Variants in RFX3 observed in about 807,000 individuals in gnomAD.
RFX3 encodes regulatory factor X3.
A neutral mutation model predicts 98.6 loss-of-function variants in RFX3; 14 were observed. The ratio of observed to expected loss-of-function variants is 0.14; its 90% CI spans 0.09 to 0.22. The LOEUF (loss-of-function observed/expected upper bound fraction) is 0.22, where lower values mean the gene tolerates loss of function less well. RFX3 is among the 10% of genes least tolerant of loss of function. The probability of loss-of-function intolerance (pLI) is 1.00; values close to 1 mark genes in which losing one functional copy is unlikely to be tolerated. For missense variants in RFX3, 639 were observed against 926.9 expected (o/e 0.69, Z 4.03); for synonymous variants, 383 against 328.4 (o/e 1.17, Z -1.80).
chr9:3,402,632 G>A (rs1038926722), intron 1 of RFX3, among the ~76,000 whole-genome samples: 3 of 151,624 alleles, frequency 2.0e-5, no homozygotes, highest in Non-Finnish European at 2.9e-5. Context: ...CAAAATTATT[G>A]TAATTGAAGT....
chr9:3,256,873 C>T, intron 14 of RFX3, 118 bp downstream of exon 14: 2 of 928,892 alleles, frequency 2.2e-6, no homozygotes, highest in Non-Finnish European at 3.3e-6. Context: ...CAGGGAGTTT[C>T]CACAAACTAA....
intron 1 of RFX3, among the ~76,000 whole-genome samples, chr9:3,495,524 A>G (rs1851046103): frequency 6.6e-6 from 1 of 152,138 alleles, no homozygotes; most frequent in Non-Finnish European, 1.5e-5. Context: ...GCTTAATAAT[A>G]TGCACACATA....
intron 2 of RFX3, among the ~76,000 whole-genome samples, chr9:3,387,083 G>C (rs1839804790): frequency 1.3e-5 from 2 of 152,058 alleles, no homozygotes; most frequent in Non-Finnish European, 2.9e-5. Context: ...CCCTCTTCCA[G>C]TTTGTTTTTC....
chr9:3,294,985 C>T, intron 5 of RFX3, among the ~76,000 whole-genome samples: 1 of 151,958 alleles, frequency 6.6e-6, no homozygotes, highest in African/African-American at 2.4e-5. Context: ...GTATTACAGG[C>T]CAAAATAATT....
chr9:3,356,037 C>T (rs535609038), intron 2 of RFX3, among the ~76,000 whole-genome samples: 2 of 150,236 alleles, frequency 1.3e-5, no homozygotes, highest in South Asian at 2.1e-4. Context: ...GCCAGAGCCT[C>T]GCATAGAGGG....
intron 1 of RFX3, 145 bp downstream of exon 1, chr9:3,525,602 G>A (rs968855731): frequency 2.0e-5 from 3 of 153,126 alleles, no homozygotes; most frequent in Non-Finnish European, 4.4e-5. Flanking sequence ...CGGCGGCGGC[G>A]CCGCAGCGGC....
chr9:3,236,657 A>C (rs1023546383), intron 15 of RFX3, among the ~76,000 whole-genome samples: 1 of 152,232 alleles, frequency 6.6e-6, no homozygotes, highest in African/African-American at 2.4e-5. Flanking sequence ...AAGTGACCAC[A>C]GGCAGTGGAC....
chr9:3,484,325 A>C (rs190884652), intron 1 of RFX3, among the ~76,000 whole-genome samples: 104 of 152,336 alleles, frequency 6.8e-4, no homozygotes, highest in Non-Finnish European at 1.2e-3. Context: ...GCACTTAATA[A>C]ATACTAGTTA....
intron 1 of RFX3, among the ~76,000 whole-genome samples, chr9:3,405,136 T>C (rs1470422494): frequency 6.6e-6 from 1 of 152,152 alleles, no homozygotes; most frequent in African/African-American, 2.4e-5. Flanking sequence ...TTTTTCCGGT[T>C]TTCTTCCTAC....
chr9:3,375,972 A>G (rs1355264778), intron 2 of RFX3, among the ~76,000 whole-genome samples: 1 of 152,124 alleles, frequency 6.6e-6, no homozygotes. Flanking sequence ...AAAAAAAAAA[A>G]TTATACACAA....
intron 1 of RFX3, among the ~76,000 whole-genome samples, chr9:3,434,727 G>A (rs1468483719): frequency 6.6e-6 from 1 of 152,012 alleles, no homozygotes; most frequent in Non-Finnish European, 1.5e-5. Context: ...CTCTAGCTCA[G>A]CCATGGGTGT....
At chr9:3,346,157 G>C (rs548680162) in intron 3 of RFX3, among the ~76,000 whole-genome samples, 4 of 152,156 alleles carry the variant, frequency 2.6e-5, no homozygotes, top group Non-Finnish European at 5.9e-5. Flanking sequence ...ATGCAAAAGA[G>C]ATAAGCTGGT....
chr9:3,239,014 A>C lies in RFX3; in HGVS notation c.1968+9018T>G, dbSNP rs563071381. Among the ~76,000 whole-genome samples, 335 of 151,978 alleles carry C rather than the reference A, an allele frequency of 2.2e-3. 1 individual carries two copies. Among genetic ancestry groups the C allele is most frequent in the African/African-American group, 7.5e-3 (309 of 41,428 alleles). Reference sequence around the variant, plus strand: ...TCCATCTCAAAGAAAAAAAAAAAAAACAGAGATAATAAAACTGATTCAAAA... The same window carrying C: ...TCCATCTCAAAGAAAAAAAAAAAAACCAGAGATAATAAAACTGATTCAAAA... On this transcript the variant is annotated intron_variant, in intron 15 of 16. Coordinates refer to ENST00000617270, the MANE Select transcript of RFX3 (RefSeq NM_001282116.2).
intron 11 of RFX3, among the ~76,000 whole-genome samples, chr9:3,267,125 G>A (rs1012521379): frequency 6.6e-6 from 1 of 151,958 alleles, no homozygotes; most frequent in Admixed American, 6.6e-5. Context: ...TTGCTATATA[G>A]TAGGAGACAG....
intron 2 of RFX3, among the ~76,000 whole-genome samples, chr9:3,394,291 G>T (rs1012598336): frequency 7.2e-5 from 11 of 151,982 alleles, no homozygotes; most frequent in African/African-American, 2.7e-4. Flanking sequence ...GTGAAACCCC[G>T]TCTCTACTAA....
chr9:3,343,883 C>T lies in RFX3; in HGVS notation c.215+2784G>A, dbSNP rs182984022. Reference sequence around the variant, plus strand: ...ACAAATGACCTCATGACCTAGACCTCATTAGTCATGATCTAACCAGCTGAG... The same window carrying T: ...ACAAATGACCTCATGACCTAGACCTTATTAGTCATGATCTAACCAGCTGAG... On this transcript the variant is annotated intron_variant, in intron 3 of 16. Transcript: ENST00000617270. Among the ~76,000 whole-genome samples the T allele has an allele frequency of 2.4e-3, 366 of 152,266 alleles. 1 individual carries two copies. The highest frequency in any genetic ancestry group is 8.0e-3 in the African/African-American group (331 of 41,542).
intron 1 of RFX3, among the ~76,000 whole-genome samples, chr9:3,450,040 C>G (rs1364062869): frequency 6.6e-6 from 1 of 152,082 alleles, no homozygotes; most frequent in East Asian, 1.9e-4. Flanking sequence ...GTGGTTCTAC[C>G]AATCTGGTTG....
chr9:3,338,010 T>G (rs190842458), intron 3 of RFX3, among the ~76,000 whole-genome samples: 1 of 152,302 alleles, frequency 6.6e-6, no homozygotes, highest in East Asian at 1.9e-4. Flanking sequence ...AAAACAGATA[T>G]TCTCAAGACT....
chr9:3,415,515 G>A (rs1420350449), intron 1 of RFX3, among the ~76,000 whole-genome samples: 3 of 152,026 alleles, frequency 2.0e-5, no homozygotes, highest in Non-Finnish European at 4.4e-5. Flanking sequence ...TTCCATTACT[G>A]AAGGCAGGTT....
Sources: gnomAD v4.1 joint callset for allele counts (sites outside exome capture counted in the v4.1 genomes callset) on GRCh38, gnomAD v4.1.1 for gene constraint, MANE v1.5 for transcripts, NCBI Gene and HGNC (gene_info 2026-07-23, HGNC 2026-07-21) for gene names.